Variants in PC observed in about 807,000 individuals in gnomAD.
The protein encoded by PC is pyruvate carboxylase, mitochondrial.
Under a neutral mutation model 107.8 loss-of-function variants are expected in PC, and 46 were observed. That is an observed-to-expected ratio of 0.43 (90% CI 0.34 to 0.55). PC has a LOEUF of 0.55. Ranked by LOEUF, PC falls within the 20% of genes least tolerant of loss-of-function variation. The probability of loss-of-function intolerance (pLI) is 0.04; values close to 1 mark genes in which losing one functional copy is unlikely to be tolerated. For missense variants in PC, 1,241 were observed against 1,643.1 expected, an observed-to-expected ratio of 0.76 and a Z score of 4.23; for synonymous variants, 662 against 684.7, an observed-to-expected ratio of 0.97 and a Z score of 0.52.
intron 12 of PC, among the ~76,000 whole-genome samples, chr11:66,861,846 G>A (rs912839351): frequency 5.3e-5 from 8 of 152,172 alleles, no homozygotes; most frequent in African/African-American, 1.9e-4. Context: ...TTCTCCACCT[G>A]GGGGGCGGGG....
intron 3 of PC, among the ~76,000 whole-genome samples, chr11:66,927,452 T>C (rs1379943138): frequency 2.0e-5 from 3 of 151,850 alleles, no homozygotes; most frequent in African/African-American, 7.3e-5. Flanking sequence ...CTGGGCGCAG[T>C]GGCTCATGCC....
intron 3 of PC, among the ~76,000 whole-genome samples, chr11:66,905,288 C>T (rs529767340): frequency 1.4e-4 from 22 of 152,354 alleles, no homozygotes; most frequent in Non-Finnish European, 2.4e-4. Context: ...ACAGAGGAGA[C>T]GCTTGGCCTG....
intron 12 of PC, among the ~76,000 whole-genome samples, chr11:66,863,078 A>G (rs1467401263): frequency 6.6e-6 from 1 of 152,200 alleles, no homozygotes; most frequent in Non-Finnish European, 1.5e-5. Context: ...ACGGTGGCTC[A>G]CACCTGTAAT....
At chr11:66,949,575 C>G (rs1949390482) in intron 3 of PC, among the ~76,000 whole-genome samples, 1 of 151,876 alleles carries the variant, frequency 6.6e-6, no homozygotes, top group Non-Finnish European at 1.5e-5. Context: ...GCCTGTAATC[C>G]CAGCTACTCA....
chr11:66,872,689 C>T (rs1213455657), intron 3 of PC, among the ~76,000 whole-genome samples: 5 of 151,136 alleles, frequency 3.3e-5, no homozygotes, highest in Non-Finnish European at 5.9e-5. Flanking sequence ...GAGCCGAGAT[C>T]GTGCCACTGT....
At chr11:66,927,235 T>G (rs892735118) in intron 3 of PC, among the ~76,000 whole-genome samples, 1 of 139,402 alleles carries the variant, frequency 7.2e-6, no homozygotes, top group African/African-American at 2.7e-5. Context: ...TTTTTAACTA[T>G]CCAGGCTGGC....
chr11:66,946,003 G>A (rs192735446), intron 3 of PC, among the ~76,000 whole-genome samples: 4 of 149,724 alleles, frequency 2.7e-5, no homozygotes, highest in Admixed American at 6.7e-5. Flanking sequence ...GGAGAATGGC[G>A]TGAACCCGGG....
At chr11:66,881,383 G>A (rs911413541) in intron 3 of PC, among the ~76,000 whole-genome samples, 5 of 152,184 alleles carry the variant, frequency 3.3e-5, no homozygotes, top group African/African-American at 9.7e-5. Context: ...GTAGTGTGTG[G>A]GGCACCTGCT....
chr11:66,876,248 C>T (rs1368390032), intron 3 of PC, among the ~76,000 whole-genome samples: 1 of 152,178 alleles, frequency 6.6e-6, no homozygotes, highest in Admixed American at 6.5e-5. Flanking sequence ...TGTTAGAGAA[C>T]AGCCTCATTC....
intron 3 of PC, among the ~76,000 whole-genome samples, chr11:66,922,495 A>C (rs1373918296): frequency 3.4e-5 from 5 of 149,152 alleles, no homozygotes; most frequent in African/African-American, 1.2e-4. Context: ...AATCGCTTGA[A>C]CCCAGAAGGT....
intron 3 of PC, among the ~76,000 whole-genome samples, chr11:66,877,149 G>A (rs930133948): frequency 1.3e-5 from 2 of 152,224 alleles, no homozygotes; most frequent in African/African-American, 2.4e-5. Context: ...ACTTTGGGAC[G>A]CTGAGACAGG....
intron 3 of PC, among the ~76,000 whole-genome samples, chr11:66,884,003 G>A (rs1055027644): frequency 2.0e-5 from 3 of 152,138 alleles, no homozygotes; most frequent in African/African-American, 4.8e-5. Context: ...CCAGCACTTT[G>A]GGAGGCTGAA....
intron 3 of PC, among the ~76,000 whole-genome samples, chr11:66,891,109 T>G (rs1272272339): frequency 6.6e-6 from 1 of 152,074 alleles, no homozygotes; most frequent in Non-Finnish European, 1.5e-5. Context: ...CAAGCTTGAG[T>G]GCAGTGGCGC....
chr11:66,879,923 C>T (rs866117372), intron 3 of PC, among the ~76,000 whole-genome samples: 15 of 152,138 alleles, frequency 9.9e-5, no homozygotes, highest in Admixed American at 2.6e-4. Flanking sequence ...CTGTGAATGA[C>T]GGAGGGTGAG....
At chr11:66,920,804 G>A (rs1377983411) in intron 3 of PC, among the ~76,000 whole-genome samples, 1 of 152,024 alleles carries the variant, frequency 6.6e-6, no homozygotes, top group Non-Finnish European at 1.5e-5. Flanking sequence ...CAACACTTTG[G>A]GAGGCCGAGG....
intron 9 of PC, among the ~76,000 whole-genome samples, 188 bp from the exon 10 acceptor site, chr11:66,869,152 C>T (rs577175493): frequency 6.6e-6 from 1 of 152,138 alleles, no homozygotes; most frequent in South Asian, 2.1e-4. Flanking sequence ...TGGACACGTC[C>T]CCCAAGTAGT....
At position 66,872,168 on chromosome 11, in the gene PC, G is replaced by C. The variant is rs758595015; in HGVS notation, c.1-9C>G. ...GTTCGGAACTTCAGCATCTAGGGAG[G>C]GAAGTTAGAGCCCAGGTTAGCGCAG... On this transcript the variant is annotated splice_polypyrimidine_tract_variant and intron_variant, in intron 3 of 22. Transcript: ENST00000393960. 5.7e-6 allele frequency: 9 copies of C among 1,576,800 alleles called. No individual in the cohort carries two copies. In the African/African-American group the frequency reaches 1.2e-4, roughly 21 times the overall value.
At chr11:66,909,788 C>G (rs1417127084) in intron 3 of PC, among the ~76,000 whole-genome samples, 1 of 152,118 alleles carries the variant, frequency 6.6e-6, no homozygotes, top group Admixed American at 6.5e-5. Flanking sequence ...GGAGTTGAGA[C>G]TCACAGACAA....
At chr11:66,951,331 G>A (rs1203207183) in intron 3 of PC, among the ~76,000 whole-genome samples, 1 of 152,152 alleles carries the variant, frequency 6.6e-6, no homozygotes, top group East Asian at 1.9e-4. Context: ...GGCTGCTCCT[G>A]CAGACCAGCA....
Sources: gnomAD v4.1 joint callset for allele counts (sites outside exome capture counted in the v4.1 genomes callset) on GRCh38, gnomAD v4.1.1 for gene constraint, MANE v1.5 for transcripts, NCBI Gene and HGNC (gene_info 2026-07-23, HGNC 2026-07-21) for gene names.